Variants in EPB41L5 observed in about 807,000 individuals in gnomAD.
The protein encoded by EPB41L5 is band 4.1-like protein 5.
EPB41L5 carries 55 observed loss-of-function variants against 106.6 expected under a neutral mutation model. That is an observed-to-expected ratio of 0.52 (90% confidence interval 0.42 to 0.65). The LOEUF is 0.65. EPB41L5 is among the 30% of genes least tolerant of loss of function. EPB41L5 has a pLI of 0.00. For missense variants in EPB41L5, 871 were observed against 882.1 expected, an observed-to-expected ratio of 0.99 and a Z score of 0.16; for synonymous variants, 297 against 306.7, an observed-to-expected ratio of 0.97 and a Z score of 0.33.
At chr2:120,076,788 T>C (rs1258368500) in intron 7 of EPB41L5, among the ~76,000 whole-genome samples, 183 bp from the exon 8 acceptor site, 1 of 152,154 alleles carries the variant, frequency 6.6e-6, no homozygotes, top group Non-Finnish European at 1.5e-5. Flanking sequence ...CTACCAAAAA[T>C]AAATATGAGA....
At chr2:120,118,845 T>G (rs1055190856) in intron 16 of EPB41L5, among the ~76,000 whole-genome samples, 1 of 152,252 alleles carries the variant, frequency 6.6e-6, no homozygotes, top group Non-Finnish European at 1.5e-5. Flanking sequence ...CTTTTGGGTA[T>G]ATGCCCAGTA....
chr2:120,025,407 T>A (rs189045877), intron 2 of EPB41L5, among the ~76,000 whole-genome samples: 1 of 152,170 alleles, frequency 6.6e-6, no homozygotes, highest in Non-Finnish European at 1.5e-5. Flanking sequence ...GCTTGGTAAA[T>A]GTTCCTCCAT....
intron 3 of EPB41L5, among the ~76,000 whole-genome samples, chr2:120,045,744 T>C (rs890696164): frequency 1.3e-5 from 2 of 152,186 alleles, no homozygotes; most frequent in Admixed American, 1.3e-4. Context: ...TGTATACATG[T>C]GACATTGGTA....
At chr2:120,070,001 C>T (rs1405006345) in intron 3 of EPB41L5, among the ~76,000 whole-genome samples, 1 of 152,068 alleles carries the variant, frequency 6.6e-6, no homozygotes, top group African/African-American at 2.4e-5. Flanking sequence ...AAAAACCCTT[C>T]AAAAAATCAA....
chr2:120,094,059 T>TCACTGCAGCCTCTCCCTCC (rs1259622382), intron 14 of EPB41L5, among the ~76,000 whole-genome samples: 7 of 152,166 alleles, frequency 4.6e-5, no homozygotes, highest in Non-Finnish European at 1.0e-4. Flanking sequence ...ATGGCTTGGC[T>TCACTGCAGCCTCTCCCTCC]CACTGCAGCC....
chr2:120,092,332 T>C (rs1025294372), intron 13 of EPB41L5, among the ~76,000 whole-genome samples: 1 of 152,202 alleles, frequency 6.6e-6, no homozygotes, highest in Admixed American at 6.5e-5. Context: ...AAACATTGTC[T>C]TGTGATGAAT....
chr2:120,053,275 G>A (rs1282973187), intron 3 of EPB41L5, among the ~76,000 whole-genome samples: 3 of 152,130 alleles, frequency 2.0e-5, no homozygotes, highest in African/African-American at 7.2e-5. Context: ...GAGAAGGCAT[G>A]CTTAAGTAAA....
At chr2:120,078,279 T>G (rs1481468642) in intron 9 of EPB41L5, among the ~76,000 whole-genome samples, 1 of 152,202 alleles carries the variant, frequency 6.6e-6, no homozygotes, top group Non-Finnish European at 1.5e-5. Context: ...ACTTTAAAAC[T>G]CTAGTGTTTC....
chr2:120,131,615 C>A lies in EPB41L5; in HGVS notation c.1502-3C>A. 6.3e-7 allele frequency: 1 copy of A among 1,597,516 alleles called. No homozygotes were observed. On this transcript the variant is annotated splice_region_variant and splice_polypyrimidine_tract_variant and intron_variant, in intron 17 of 24. Transcript: ENST00000263713. ...TTATTTTGCCTTTTTTTTTTCTTTTCAGCATTAAAAGACACCTCAGAGAAG... is the reference window on the plus strand; with the variant it reads ...TTATTTTGCCTTTTTTTTTTCTTTTAAGCATTAAAAGACACCTCAGAGAAG...
intron 2 of EPB41L5, among the ~76,000 whole-genome samples, chr2:120,037,427 A>C (rs1368850176): frequency 6.6e-6 from 1 of 152,228 alleles, no homozygotes; most frequent in East Asian, 1.9e-4. Flanking sequence ...TCCATATGGA[A>C]TCTGAAGGGA....
intron 20 of EPB41L5, among the ~76,000 whole-genome samples, chr2:120,147,835 A>AT (rs1419287385): frequency 6.6e-6 from 1 of 151,964 alleles, no homozygotes; most frequent in Non-Finnish European, 1.5e-5. Flanking sequence ...ATGCAGATTT[A>AT]TTTTTCTAAA....
chr2:120,035,608 T>C (rs146758706), intron 2 of EPB41L5, among the ~76,000 whole-genome samples: 2,495 of 152,310 alleles, frequency 0.016, 40 homozygotes, highest in Middle Eastern at 0.068. Flanking sequence ...AGTTTGAGGC[T>C]GTAGTGCAGT....
intron 16 of EPB41L5, among the ~76,000 whole-genome samples, chr2:120,126,162 C>T: frequency 6.6e-6 from 1 of 152,174 alleles, no homozygotes; most frequent in Middle Eastern, 3.4e-3. Context: ...ACGATATTAA[C>T]TTATACTAAT....
At chr2:120,021,386 G>A (rs538469226) in intron 2 of EPB41L5, among the ~76,000 whole-genome samples, 48 of 151,590 alleles carry the variant, frequency 3.2e-4, no homozygotes, top group Non-Finnish European at 5.9e-4. Flanking sequence ...GGCTCACGCC[G>A]GTAATCGCAG....
intron 3 of EPB41L5, among the ~76,000 whole-genome samples, chr2:120,050,456 C>T (rs772241555): frequency 6.6e-5 from 10 of 152,234 alleles, no homozygotes; most frequent in African/African-American, 1.4e-4. Context: ...AAATCAGCTA[C>T]TGAAGCTTGT....
At chr2:120,043,368 C>T (rs1679543320) in intron 3 of EPB41L5, among the ~76,000 whole-genome samples, 1 of 151,784 alleles carries the variant, frequency 6.6e-6, no homozygotes. Context: ...TGGCAAAACC[C>T]TCTGTCTACT....
At chr2:120,167,669 C>A (rs1687475285) in intron 23 of EPB41L5, among the ~76,000 whole-genome samples, 162 bp downstream of exon 23, 1 of 152,232 alleles carries the variant, frequency 6.6e-6, no homozygotes, top group South Asian at 2.1e-4. Flanking sequence ...CTTACCCTTT[C>A]TGGTTGTAAA....
At chr2:120,105,934 T>C in intron 16 of EPB41L5, 3 of 985,374 alleles carry the variant, frequency 3.0e-6, no homozygotes, top group East Asian at 1.1e-4. Flanking sequence ...ACTGTTTCTA[T>C]AGTAAAAACC....
chr2:120,142,127 A>C (rs1164716655), intron 18 of EPB41L5, among the ~76,000 whole-genome samples: 2 of 151,202 alleles, frequency 1.3e-5, no homozygotes, highest in African/African-American at 2.4e-5. Context: ...AAAAAAAAAA[A>C]AAAAAAACAA....
Sources: gnomAD v4.1 joint callset for allele counts (sites outside exome capture counted in the v4.1 genomes callset) on GRCh38, gnomAD v4.1.1 for gene constraint, MANE v1.5 for transcripts, NCBI Gene and HGNC (gene_info 2026-07-23, HGNC 2026-07-21) for gene names.